The following NFXL1 variants were observed in gnomAD, a reference collection of about 807,000 sequenced individuals.
NFXL1 encodes nuclear transcription factor, X-box binding like 1, also known as NF-X1-type zinc finger protein NFXL1.
A neutral mutation model predicts 123.3 loss-of-function variants in NFXL1; 66 were observed. The observed-to-expected ratio is 0.54, with a 90% CI of 0.44 to 0.66. The LOEUF is 0.66. Among genes scored for constraint, NFXL1 ranks in the 30% least tolerant of loss-of-function variants. The probability of loss-of-function intolerance (pLI) is 0.00; values close to 1 mark genes in which losing one functional copy is unlikely to be tolerated. For missense variants in NFXL1, 944 were observed against 1,125.6 expected, an observed-to-expected ratio of 0.84 and a Z score of 2.31; for synonymous variants, 346 against 360.8, an observed-to-expected ratio of 0.96 and a Z score of 0.46.
chr4:47,911,038 A>G (rs769895683), intron 2 of NFXL1, 44 bp from the exon 3 acceptor site: 2 of 1,234,992 alleles, frequency 1.6e-6, no homozygotes, highest in South Asian at 2.8e-5. Context: ...ACAATCTCTC[A>G]AAAAGAAAAG....
chr4:47,867,207 G>T (rs1735152169), intron 18 of NFXL1, among the ~76,000 whole-genome samples: 1 of 151,242 alleles, frequency 6.6e-6, no homozygotes, highest in Non-Finnish European at 1.5e-5. Context: ...AGAACATAAT[G>T]GAGAAGAAAT....
intron 18 of NFXL1, among the ~76,000 whole-genome samples, chr4:47,873,578 C>G (rs1014279060): frequency 2.0e-5 from 3 of 152,156 alleles, no homozygotes; most frequent in African/African-American, 7.2e-5. Flanking sequence ...ATCAGTAGGT[C>G]TCAACAGTGG....
intron 5 of NFXL1, among the ~76,000 whole-genome samples, chr4:47,899,854 T>C (rs555744454): frequency 2.0e-5 from 3 of 152,340 alleles, no homozygotes; most frequent in Admixed American, 1.3e-4. Context: ...GAGGAAGGAA[T>C]CAAATTTCTT....
At chr4:47,854,844 C>A (rs1233757652) in intron 20 of NFXL1, among the ~76,000 whole-genome samples, 1 of 150,704 alleles carries the variant, frequency 6.6e-6, no homozygotes, top group Non-Finnish European at 1.5e-5. Flanking sequence ...AAAATTAAAT[C>A]GCCAAAGCTT....
chr4:47,884,819 G>A (rs1736325727), intron 14 of NFXL1, among the ~76,000 whole-genome samples: 2 of 152,062 alleles, frequency 1.3e-5, no homozygotes, highest in Non-Finnish European at 1.5e-5. Context: ...TATTTAGTAA[G>A]GGCTCAATAA....
intron 8 of NFXL1, 29 bp downstream of exon 8, chr4:47,898,728 C>CTTGG: frequency 3.5e-6 from 4 of 1,145,140 alleles, no homozygotes; most frequent in Non-Finnish European, 5.3e-6. Context: ...CTCTTTAATA[C>CTTGG]CCACCCCTCA....
chr4:47,860,876 G>C (rs1428070699), intron 19 of NFXL1, among the ~76,000 whole-genome samples: 1 of 150,248 alleles, frequency 6.7e-6, no homozygotes, highest in African/African-American at 2.5e-5. Context: ...TTTTGAGACG[G>C]AGTTTTGCTC....
At position 47,847,537 on chromosome 4, in the gene NFXL1, C is replaced by A. The variant is rs1332137938; in HGVS notation, c.*626G>T. ...GAAACATGCCAACTTCAGTTAAAAG[C>A]TTCTTACATAAGAAATAGCCACATG... is the stretch of plus-strand genomic sequence containing the variant. On this transcript the variant is annotated 3_prime_UTR_variant, in exon 23 of 23. Coordinates refer to ENST00000507489, the MANE Select transcript of NFXL1 (RefSeq NM_001278624.2). 6.6e-6 allele frequency: 1 copy of A among 152,210 alleles called. No individual in the cohort carries two copies. Among genetic ancestry groups the A allele is most frequent in the African/African-American group, 2.4e-5 (1 of 41,430 alleles). The allele number at this position is 152,210 out of a possible 1,614,324, so 9.4% of individuals were successfully genotyped here. A position where few individuals can be genotyped will look rare whatever the true frequency, so the allele number is the denominator to read the frequency against.
At chr4:47,881,983 G>A (rs1458396031) in intron 15 of NFXL1, among the ~76,000 whole-genome samples, 2 of 152,154 alleles carry the variant, frequency 1.3e-5, no homozygotes, top group Non-Finnish European at 2.9e-5. Context: ...TTACACATTT[G>A]TTAAAACCCA....
At chr4:47,876,665 T>C (rs547943010) in intron 17 of NFXL1, among the ~76,000 whole-genome samples, 12 of 152,258 alleles carry the variant, frequency 7.9e-5, no homozygotes, top group African/African-American at 2.9e-4. Context: ...ATACTTGATT[T>C]AAATTTTTTA....
chr4:47,866,760 C>G (rs1435053550), intron 18 of NFXL1, among the ~76,000 whole-genome samples: 1 of 152,194 alleles, frequency 6.6e-6, no homozygotes, highest in Non-Finnish European at 1.5e-5. Flanking sequence ...GAACAGCTGA[C>G]TATGTCTAAA....
At chr4:47,872,291 A>T (rs895977796) in intron 18 of NFXL1, among the ~76,000 whole-genome samples, 1 of 151,998 alleles carries the variant, frequency 6.6e-6, no homozygotes, top group Middle Eastern at 3.2e-3. Flanking sequence ...GTGAAACCCC[A>T]TCTCTACTAA....
At position 47,898,319 on chromosome 4, in the gene NFXL1, C is replaced by T. The variant is rs1366938856; in HGVS notation, c.1090-238G>A. On this transcript the variant is annotated intron_variant, in intron 8 of 22. Coordinates refer to ENST00000507489, the MANE Select transcript of NFXL1 (RefSeq NM_001278624.2). ...AAAAGTATATTTTAAAAGTACAATA[C>T]AGAAAAAAACTACATGCAGCTCCAT... is the stretch of plus-strand genomic sequence containing the variant. Among the ~76,000 whole-genome samples, 14 of 152,032 alleles carry T rather than the reference C, an allele frequency of 9.2e-5. No homozygotes were observed. The South Asian group carries it at 1.9e-3, about 20-fold the overall frequency.
Position 47,914,462 on chromosome 4 carries a change from A to C in NFXL1, c.-100T>G, listed in dbSNP as rs1331119176. The C allele has an allele frequency of 2.4e-6, 1 of 417,182 alleles. No homozygotes were observed. The allele number at this position is 417,182 out of a possible 1,614,324, so 25.8% of individuals were successfully genotyped here. A position where few individuals can be genotyped will look rare whatever the true frequency, so the allele number is the denominator to read the frequency against. ...ATAAACCGCGGAGCAAGAAGCACAC[A>C]GTGCCGAAGACAGAAAGCCGGAGGA... On this transcript the variant is annotated 5_prime_UTR_variant, in exon 1 of 23. Coordinates refer to ENST00000507489, the MANE Select transcript of NFXL1 (RefSeq NM_001278624.2).
chr4:47,855,252 C>T, intron 19 of NFXL1, 89 bp from the exon 20 acceptor site: 1 of 672,344 alleles, frequency 1.5e-6, no homozygotes, highest in Non-Finnish European at 2.6e-6. Flanking sequence ...TAAGAGAGTC[C>T]ATCACACAAA....
intron 3 of NFXL1, among the ~76,000 whole-genome samples, chr4:47,908,156 A>C (rs1245312239): frequency 1.3e-5 from 2 of 152,252 alleles, no homozygotes; most frequent in African/African-American, 2.4e-5. Flanking sequence ...AGCCAGGCAC[A>C]GTGGCTCACG....
intron 10 of NFXL1, among the ~76,000 whole-genome samples, chr4:47,895,459 C>A (rs1421000880): frequency 6.6e-6 from 1 of 152,192 alleles, no homozygotes; most frequent in Non-Finnish European, 1.5e-5. Flanking sequence ...TTAGCTAGAT[C>A]ATCTGGATAA....
At chr4:47,877,160 A>T (rs966166797) in intron 17 of NFXL1, 2 of 479,174 alleles carry the variant, frequency 4.2e-6, no homozygotes, top group Non-Finnish European at 8.1e-6. Flanking sequence ...TTGCAGAATC[A>T]TGGACAAATC....
chr4:47,863,284 A>T (rs140578212), intron 18 of NFXL1, among the ~76,000 whole-genome samples: 4 of 152,270 alleles, frequency 2.6e-5, no homozygotes, highest in African/African-American at 9.6e-5. Flanking sequence ...AAAAAAATTT[A>T]AAACTAATTA....
Sources: gnomAD v4.1 joint callset for allele counts (sites outside exome capture counted in the v4.1 genomes callset) on GRCh38, gnomAD v4.1.1 for gene constraint, MANE v1.5 for transcripts, NCBI Gene and HGNC (gene_info 2026-07-23, HGNC 2026-07-21) for gene names.